DLGAP5: variants seen among roughly 807,000 people sequenced by gnomAD.
DLGAP5 encodes disks large-associated protein 5.
A neutral mutation model predicts 99.6 loss-of-function variants in DLGAP5; 90 were observed. That is an observed-to-expected ratio of 0.90 (90% CI 0.76 to 1.08). DLGAP5 has a LOEUF of 1.08. Ranked by LOEUF, DLGAP5 falls within the 50% of genes least tolerant of loss-of-function variation. DLGAP5 has a pLI of 0.00. For missense variants in DLGAP5, 1,036 were observed against 983.5 expected, an observed-to-expected ratio of 1.05 and a Z score of -0.71; for synonymous variants, 311 against 321.3, an observed-to-expected ratio of 0.97 and a Z score of 0.34.
At chr14:55,179,783 A>G (rs1883216715) in intron 6 of DLGAP5, 84 bp from the exon 7 acceptor site, 7 of 1,113,118 alleles carry the variant, frequency 6.3e-6, no homozygotes, top group Non-Finnish European at 7.8e-6. Context: ...AAAAGAAGCA[A>G]CAGTAGGAAT....
intron 2 of DLGAP5, among the ~76,000 whole-genome samples, chr14:55,187,049 C>T (rs1012459306): frequency 2.6e-5 from 4 of 151,984 alleles, no homozygotes; most frequent in African/African-American, 7.3e-5. Flanking sequence ...GCTGGGACTA[C>T]AGGCACGCGC....
At chr14:55,164,266 G>T (rs990805948) in intron 12 of DLGAP5, among the ~76,000 whole-genome samples, 1 of 151,756 alleles carries the variant, frequency 6.6e-6, no homozygotes, top group African/African-American at 2.4e-5. Flanking sequence ...AACCGAGAAG[G>T]TCGAGACTAG....
rs573479414 is a variant in DLGAP5, at chr14:55,152,792, T to A, written c.2064-145A>T. The A allele has an allele frequency of 6.5e-6, 4 of 611,832 alleles. No individual in the cohort carries two copies. The South Asian group carries it at 1.4e-4, about 21-fold the overall frequency. 37.9% of individuals were successfully genotyped at this position (611,832 alleles called of 1,614,324 possible). ...GGTGCAAGATCAGGCGTGATCCAGA[T>A]AGATTAGTTTTGGACTATAGCTACT... On this transcript the variant is annotated intron_variant, in intron 15 of 18. Coordinates refer to ENST00000247191, the MANE Select transcript of DLGAP5 (RefSeq NM_014750.5).
intron 16 of DLGAP5, 107 bp from the exon 17 acceptor site, chr14:55,152,048 C>A: frequency 9.9e-7 from 1 of 1,012,464 alleles, no homozygotes; most frequent in South Asian, 1.6e-5. Flanking sequence ...GATGACATCC[C>A]GGACACAGTC....
chr14:55,150,488 C>A (rs963952254), intron 18 of DLGAP5: 14 of 178,992 alleles, frequency 7.8e-5, no homozygotes, highest in African/African-American at 2.6e-4. Flanking sequence ...CCCAGAAGGG[C>A]AGAAACTTTG....
At position 55,180,771 on chromosome 14, in the gene DLGAP5, C is replaced by A. The variant is rs770715072; in HGVS notation, c.588G>T (p.Gln196His). 11 of 1,613,892 alleles carry A rather than the reference C, an allele frequency of 6.8e-6. No individual in the cohort carries two copies. The highest frequency in any genetic ancestry group is 7.6e-6 in the Non-Finnish European group (9 of 1,179,992). The change falls in exon 6 of 19, where the codon CAG becomes CAT. Residue 196 changes from glutamine (Q) to histidine (H), a missense_variant. Transcript: ENST00000247191. The stretch of plus-strand genomic sequence containing the variant: ...TTCTCAACGACGTGGGCATTACAGG[C>A]TGCACAACTGTGGGAAAAAAAAATA... The part of the protein sequence containing the change: ...KVSDKEKKVV[Q>H]PVMPTSLRMT...
intron 15 of DLGAP5, among the ~76,000 whole-genome samples, chr14:55,153,067 T>C (rs192209171): frequency 1.3e-5 from 2 of 152,320 alleles, no homozygotes; most frequent in East Asian, 1.9e-4. Flanking sequence ...GCTAAGAAAC[T>C]TGACTTCAAT....
intron 18 of DLGAP5, chr14:55,150,414 T>C (rs1032811521): frequency 6.3e-6 from 1 of 158,944 alleles, no homozygotes; most frequent in Non-Finnish European, 1.4e-5. Flanking sequence ...AGCAGGGAAG[T>C]AGCCACTAAA....
At chr14:55,151,560 C>T in intron 17 of DLGAP5, 135 bp downstream of exon 17, 1 of 959,014 alleles carries the variant, frequency 1.0e-6, no homozygotes, top group Non-Finnish European at 1.5e-6. Context: ...TGTTCTAATT[C>T]AGGGTCTTCA....
intron 2 of DLGAP5, among the ~76,000 whole-genome samples, chr14:55,186,808 G>A (rs918833117): frequency 1.3e-5 from 2 of 152,200 alleles, no homozygotes; most frequent in Admixed American, 6.5e-5. Context: ...TAGTTAATCA[G>A]TCTCTCCTCG....
At chr14:55,174,507 G>C (rs1882986288) in intron 10 of DLGAP5, among the ~76,000 whole-genome samples, 1 of 152,132 alleles carries the variant, frequency 6.6e-6, no homozygotes, top group African/African-American at 2.4e-5. Context: ...ATAAAAACTT[G>C]CTGGTTTTTG....
chr14:55,184,277 G>C (rs902447037), intron 2 of DLGAP5, among the ~76,000 whole-genome samples: 1 of 152,150 alleles, frequency 6.6e-6, no homozygotes, highest in Non-Finnish European at 1.5e-5. Flanking sequence ...GAGTAACAAA[G>C]CAAGACCTCT....
intron 13 of DLGAP5, among the ~76,000 whole-genome samples, 189 bp from the exon 14 acceptor site, chr14:55,158,930 T>C (rs1882310356): frequency 6.6e-6 from 1 of 152,192 alleles, no homozygotes; most frequent in South Asian, 2.1e-4. Context: ...AGGACAGAGT[T>C]GCTGCCCTCA....
Position 55,175,821 on chromosome 14 carries a change from C to T in DLGAP5, c.1174+73G>A, listed in dbSNP as rs1594678007. 40 of 1,307,956 alleles carry T rather than the reference C, an allele frequency of 3.1e-5. No individual in the cohort carries two copies. The East Asian group carries it at 9.8e-4, about 32-fold the overall frequency. 81.0% of individuals were successfully genotyped at this position (1,307,956 alleles called of 1,614,324 possible). A position where few individuals can be genotyped will look rare whatever the true frequency, so the allele number is the denominator to read the frequency against. On this transcript the variant is annotated intron_variant, in intron 9 of 18. Coordinates refer to ENST00000247191, the MANE Select transcript of DLGAP5 (RefSeq NM_014750.5). Reference sequence around the variant, plus strand: ...ATCCAGAAAAGTAAAAATGTAATTACTATACCTGAAAGCAAAATATTTTTT... The same window carrying T: ...ATCCAGAAAAGTAAAAATGTAATTATTATACCTGAAAGCAAAATATTTTTT...
At chr14:55,168,875 A>G (rs957346853) in intron 12 of DLGAP5, among the ~76,000 whole-genome samples, 3 of 151,778 alleles carry the variant, frequency 2.0e-5, no homozygotes, top group Admixed American at 2.0e-4. Flanking sequence ...TCAGTTTTCA[A>G]CCTATATAGA....
In DLGAP5 at chr14:55,151,723, T is replaced by C. The variant is rs776314998; in HGVS notation, c.2340A>G (p.Glu780=). Residue 780 remains glutamate (E), a synonymous_variant, in exon 17 of 19, where the codon GAA becomes GAG. Coordinates refer to ENST00000247191, the MANE Select transcript of DLGAP5 (RefSeq NM_014750.5). ...ACTGAGAAATTTTAGTTTCCCCTTC[T>C]TCTAAGATGCTATTTTGTGAAGCTG... ...KNTASQNSIL[E]EGETKISQSE... 6 of 1,613,640 alleles carry C rather than the reference T, an allele frequency of 3.7e-6. No individual in the cohort carries two copies. The highest frequency in any genetic ancestry group is 3.3e-5 in the Admixed American group (2 of 59,948).
At chr14:55,154,929 CA>C in intron 14 of DLGAP5, 123 bp from the exon 15 acceptor site, 1 of 816,554 alleles carries the variant, frequency 1.2e-6, no homozygotes. Context: ...CTGTTAAAGA[CA>C]AATGCCTGGG....
chr14:55,174,786 G>A (rs1223289724), intron 10 of DLGAP5, among the ~76,000 whole-genome samples: 1 of 152,162 alleles, frequency 6.6e-6, no homozygotes, highest in Non-Finnish European at 1.5e-5. Context: ...CGCCTCCCAG[G>A]TTCAAGCAAT....
At chr14:55,154,267 G>A (rs1220168519) in intron 15 of DLGAP5, among the ~76,000 whole-genome samples, 1 of 152,096 alleles carries the variant, frequency 6.6e-6, no homozygotes, top group Non-Finnish European at 1.5e-5. Flanking sequence ...TGAAGCTAAA[G>A]AGAATTAATT....
Sources: allele counts gnomAD v4.1 joint callset (sites outside exome capture counted in the v4.1 genomes callset), GRCh38; gene constraint gnomAD v4.1.1; transcripts MANE v1.5; gene names NCBI Gene and HGNC (gene_info 2026-07-23, HGNC 2026-07-21).